MX1: variants seen among roughly 807,000 people sequenced by gnomAD.
MX1 encodes MX dynamin like GTPase 1.
MX1 carries 66 observed loss-of-function variants against 66.4 expected under a neutral mutation model. That is an observed-to-expected ratio of 0.99 (90% confidence interval 0.82 to 1.22). MX1 has a LOEUF of 1.22. Among genes scored for constraint, MX1 ranks in the 50% most tolerant of loss-of-function variants. MX1 has a pLI of 0.00. For missense variants in MX1, 787 were observed against 834.3 expected, an observed-to-expected ratio of 0.94 and a Z score of 0.70; for synonymous variants, 311 against 318.1, an observed-to-expected ratio of 0.98 and a Z score of 0.24.
intron 16 of MX1, among the ~76,000 whole-genome samples, chr21:41,457,160 G>T (rs2090979724): frequency 1.3e-5 from 2 of 152,218 alleles, no homozygotes; most frequent in Admixed American, 1.3e-4. Context: ...CTTTTTGTGT[G>T]TTGAGGGTTA....
chr21:41,433,446 T>C (rs549964526), intron 5 of MX1, among the ~76,000 whole-genome samples: 8 of 152,318 alleles, frequency 5.3e-5, no homozygotes, highest in Non-Finnish European at 5.9e-5. Flanking sequence ...GAGTGTGGTA[T>C]GTTCATGTAG....
intron 10 of MX1, among the ~76,000 whole-genome samples, chr21:41,442,268 G>A (rs564072540): frequency 6.6e-6 from 1 of 152,138 alleles, no homozygotes; most frequent in Non-Finnish European, 1.5e-5. Context: ...AATAGACCTA[G>A]ATATATATAT....
chr21:41,432,102 C>T lies in MX1; in HGVS notation c.32C>T (p.Ala11Val), dbSNP rs540713161. ...GTTTCCGAAGTGGACATCGCAAAAG[C>T]TGATCCAGCTGCTGCATCCCACCCT... MVVSEVDIAK[A>V]DPAAASHPLL... Residue 11 changes from alanine to valine, a missense_variant, in exon 5 of 17, where the codon GCT (alanine) becomes GTT (valine). Coordinates refer to ENST00000398598, the MANE Select transcript of MX1 (RefSeq NM_002462.5). The T allele has an allele frequency of 1.2e-6, 2 of 1,614,170 alleles. No homozygotes were observed. The highest frequency in any genetic ancestry group is 2.7e-5 in the African/African-American group (2 of 75,066).
chr21:41,449,083 A>C (rs2090751856), intron 13 of MX1, 54 bp from the exon 14 acceptor site: 2 of 1,497,680 alleles, frequency 1.3e-6, no homozygotes, highest in East Asian at 4.6e-5. Flanking sequence ...GTTTAGAAAA[A>C]TGTGCAAGAT....
At chr21:41,443,445 C>T (rs1186094735) in intron 10 of MX1, 1 of 245,624 alleles carries the variant, frequency 4.1e-6, no homozygotes, top group Non-Finnish European at 8.1e-6. Flanking sequence ...TTATGATCAC[C>T]TACACATATT....
At chr21:41,424,880 CA>C (rs1307122061), upstream of MX1, among the ~76,000 whole-genome samples, 2 of 152,188 alleles carry the variant, frequency 1.3e-5, no homozygotes, top group African/African-American at 4.8e-5. Context: ...ATGGGAAAAA[CA>C]AGGTAGGATA....
At chr21:41,443,763 A>G in intron 10 of MX1, 25 bp from the exon 11 acceptor site, 2 of 1,612,756 alleles carry the variant, frequency 1.2e-6, no homozygotes, top group East Asian at 2.2e-5. Flanking sequence ...ATCAAGGTGG[A>G]AATCGGTCCT....
Position 41,441,466 on chromosome 21 carries a change from G to T in MX1, c.731-250G>T. On this transcript the variant is annotated intron_variant, in intron 9 of 16. Transcript: ENST00000398598. This position sits in a 1 kb window ranked among gnomAD's most constrained non-coding sequence, Gnocchi z 4.0. ...TAAACAAAACGTGGCGTGTTCTACAGTGGACCCGGGTGAAGGAGCTTGGGG... is the reference window on the plus strand; with the variant it reads ...TAAACAAAACGTGGCGTGTTCTACATTGGACCCGGGTGAAGGAGCTTGGGG... 1 of 562,158 alleles carries T rather than the reference G, an allele frequency of 1.8e-6. No homozygotes were observed. Among genetic ancestry groups the T allele is most frequent in the Non-Finnish European group, 3.2e-6 (1 of 312,692 alleles). The allele number at this position is 562,158 out of a possible 1,614,324, so 34.8% of individuals were successfully genotyped here.
intron 10 of MX1, 104 bp downstream of exon 10, chr21:41,442,018 T>TGTGTGC: frequency 1.9e-6 from 2 of 1,035,846 alleles, no homozygotes; most frequent in Non-Finnish European, 2.9e-6. Context: ...TGTGTGTGTG[T>TGTGTGC]GTGTGTGCGT....
Position 41,449,249 on chromosome 21 carries a change from C to G in MX1, c.1386C>G (p.Ile462Met). ...RTFETIVKQQ[I>M]KALEEPAVDM... is the part of the protein sequence containing the mutation. ...TTGAGACAATCGTGAAACAGCAAAT[C>G]AAGGCACTGGAAGAGCCGGCTGTGG... is the stretch of plus-strand genomic sequence containing the variant. Residue 462 changes from isoleucine (I) to methionine (M), a missense_variant, in exon 14 of 17, where the codon ATC becomes ATG. Coordinates refer to ENST00000398598, the MANE Select transcript of MX1 (RefSeq NM_002462.5). The G allele has an allele frequency of 1.9e-6, 3 of 1,613,966 alleles. No homozygotes were observed. The highest frequency in any genetic ancestry group is 2.5e-6 in the Non-Finnish European group (3 of 1,179,986).
At chr21:41,448,957 T>A (rs1447797271) in intron 13 of MX1, among the ~76,000 whole-genome samples, 180 bp from the exon 14 acceptor site, 1 of 90,876 alleles carries the variant, frequency 1.1e-5, no homozygotes, top group Non-Finnish European at 2.2e-5. Context: ...TGTGTGTGTG[T>A]GTGTGTGTGT....
intron 15 of MX1, among the ~76,000 whole-genome samples, chr21:41,452,059 A>G (rs1311345525): frequency 6.6e-6 from 1 of 152,010 alleles, no homozygotes; most frequent in East Asian, 1.9e-4. Context: ...TTCATAAAAG[A>G]AGACTGATAA....
chr21:41,457,797 C>G (rs1459541734), intron 16 of MX1, among the ~76,000 whole-genome samples: 1 of 152,174 alleles, frequency 6.6e-6, no homozygotes, highest in Non-Finnish European at 1.5e-5. Context: ...GCAGCCATCT[C>G]CAGGACCCTA....
chr21:41,437,019 C>T lies in MX1; in HGVS notation c.303C>T (p.Ile101=), dbSNP rs760453444. 5 of 1,613,776 alleles carry T rather than the reference C, an allele frequency of 3.1e-6. No individual in the cohort carries two copies. Among genetic ancestry groups the T allele is most frequent in the South Asian group, 1.1e-5 (1 of 91,060 alleles). The change falls in exon 7 of 17, where the codon ATC becomes ATT. Residue 101 remains isoleucine (I), a synonymous_variant. Coordinates refer to ENST00000398598, the MANE Select transcript of MX1 (RefSeq NM_002462.5). ...SGVALPRGSG[I]VTRCPLVLKL... is the part of the protein sequence containing the mutation. Reference sequence around the variant, plus strand: ...GATGTGGGCGTGGCCTCCTAGGGATCGTGACCAGATGCCCGCTGGTGCTGA... The same window carrying T: ...GATGTGGGCGTGGCCTCCTAGGGATTGTGACCAGATGCCCGCTGGTGCTGA...
Position 41,432,134 on chromosome 21 carries a change from C to CT in MX1, c.65dup (p.Asn23GlufsTer16). On this transcript the variant is annotated frameshift_variant, in exon 5 of 17. Transcript: ENST00000398598. LOFTEE classifies it high-confidence loss of function. ...AGCTGCTGCATCCCACCCTCTATTACTGAATGGAGATGCTACTGTGGCCCA... is the reference window on the plus strand; with the variant it reads ...AGCTGCTGCATCCCACCCTCTATTACTTGAATGGAGATGCTACTGTGGCCCA... 1 of 1,614,164 alleles carries CT rather than the reference C, an allele frequency of 6.2e-7. No homozygotes were observed. The highest frequency in any genetic ancestry group is 8.5e-7 in the Non-Finnish European group (1 of 1,180,034).
rs1180783782 is a variant in MX1 at position 41,446,241 on chromosome 21, G to C, written c.1273+100G>C. ...ACTTATTGCTCATTGTTCTGGAGGT[G>C]AGAAATCTATTCTTAAGGAATCAGG... On this transcript the variant is annotated intron_variant, in intron 13 of 16. Transcript: ENST00000398598. 25 of 1,130,682 alleles carry C rather than the reference G, an allele frequency of 2.2e-5. No homozygotes were observed. The East Asian group carries it at 5.5e-4, about 25-fold the overall frequency. 70.0% of individuals were successfully genotyped at this position (1,130,682 alleles called of 1,614,324 possible).
chr21:41,445,770 C>T, intron 12 of MX1, 200 bp downstream of exon 12: 1 of 836,384 alleles, frequency 1.2e-6, no homozygotes, highest in Non-Finnish European at 1.8e-6. Flanking sequence ...GCGAGGGATG[C>T]TCAGGCTGCG....
At position 41,431,992 on chromosome 21, in the gene MX1, C is replaced by T. The variant is rs1476598883; in HGVS notation, c.-21-58C>T. 27 of 1,448,664 alleles carry T rather than the reference C, an allele frequency of 1.9e-5. No homozygotes were observed. The Admixed American group carries it at 4.8e-4, about 26-fold the overall frequency. The allele number at this position is 1,448,664 out of a possible 1,614,324, so 89.7% of individuals were successfully genotyped here. A position where few individuals can be genotyped will look rare whatever the true frequency, so the allele number is the denominator to read the frequency against. On this transcript the variant is annotated intron_variant, in intron 4 of 16. Transcript: ENST00000398598. ...TTCCGTTCTGGTGGTGGGTTTGGTT[C>T]CATGGTTGAATGCACCCAGCTGCTT... is the stretch of plus-strand genomic sequence containing the variant.
chr21:41,453,529 A>G (rs533427610), intron 16 of MX1, among the ~76,000 whole-genome samples: 1 of 152,342 alleles, frequency 6.6e-6, no homozygotes, highest in South Asian at 2.1e-4. Context: ...TGCATATTCC[A>G]GGAGACGAGT....
Sources: allele counts gnomAD v4.1 joint callset (sites outside exome capture counted in the v4.1 genomes callset), GRCh38; gene constraint gnomAD v4.1.1; non-coding constraint Gnocchi (gnomAD v3.1); transcripts MANE v1.5; gene names NCBI Gene and HGNC (gene_info 2026-07-23, HGNC 2026-07-21).